CACNA1C: variants seen among roughly 807,000 people sequenced by gnomAD.
The protein encoded by CACNA1C is voltage-dependent L-type calcium channel subunit alpha-1C.
Under a neutral mutation model 229.0 loss-of-function variants are expected in CACNA1C, and 30 were observed. That is an observed-to-expected ratio of 0.13 (90% confidence interval 0.10 to 0.18). CACNA1C has a LOEUF of 0.18. CACNA1C is among the 10% of genes least tolerant of loss of function. The pLI, the probability that CACNA1C is intolerant of heterozygous loss-of-function variation, is 1.00. For missense variants in CACNA1C, 1,658 were observed against 2,845.0 expected (o/e 0.58, Z 9.49); for synonymous variants, 1,114 against 1,132.5 (o/e 0.98, Z 0.33).
intron 11 of CACNA1C, among the ~76,000 whole-genome samples, chr12:2,565,404 T>C (rs997316453): frequency 8.0e-5 from 12 of 149,692 alleles, no homozygotes; most frequent in Middle Eastern, 3.5e-3. Flanking sequence ...GAAGCGGAGC[T>C]TGCAGTGAGC....
Position 2,448,957 on chromosome 12 carries a change from T to G in CACNA1C, c.478-19T>G, listed in dbSNP as rs571558332. The G allele has an allele frequency of 5.6e-4, 892 of 1,597,672 alleles. 15 individuals are homozygous for G. In the South Asian group the frequency reaches 9.0e-3, roughly 16 times the overall value. On this transcript the variant is annotated intron_variant, in intron 3 of 46. Coordinates refer to ENST00000399655, the MANE Select transcript of CACNA1C (RefSeq NM_000719.7). The stretch of plus-strand genomic sequence containing the variant: ...AACCAATGACTTATTTTTCTCTCTT[T>G]TCTATTTCTGTTTCCTAGGAACGAG...
intron 30 of CACNA1C, among the ~76,000 whole-genome samples, chr12:2,643,576 A>T (rs1425685148): frequency 2.0e-5 from 3 of 152,212 alleles, no homozygotes; most frequent in East Asian, 3.9e-4. Context: ...AGCTTAAAAC[A>T]TGTTTGCCTT....
intron 3 of CACNA1C, among the ~76,000 whole-genome samples, chr12:2,413,730 C>T (rs1467553981): frequency 6.6e-6 from 1 of 152,206 alleles, no homozygotes; most frequent in Admixed American, 6.5e-5. Context: ...CCTGACCTTT[C>T]CCACCTGCAT....
chr12:2,601,713 G>A lies in CACNA1C; in HGVS notation c.2854-141G>A, dbSNP rs916925943. The A allele has an allele frequency of 4.7e-5, 32 of 678,298 alleles. No individual in the cohort carries two copies. The highest frequency in any genetic ancestry group is 1.7e-4 in the Admixed American group (8 of 47,608). The allele number at this position is 678,298 out of a possible 1,614,324, so 42.0% of individuals were successfully genotyped here. On this transcript the variant is annotated intron_variant, in intron 21 of 46. Transcript: ENST00000399655. The surrounding 1 kb of genome is among the most constrained non-coding windows in gnomAD (Gnocchi z 5.9). ...AGAACTCTTTTCTTGGCACCATAGC[G>A]CCGTCTTTGTCCTTCCTGTTCCCCA...
rs1219639960 is a variant in CACNA1C, at chr12:2,080,278, C to CAAAAAAAACA, written c.49+26670_49+26679dup. Among the ~76,000 whole-genome samples the CAAAAAAAACA allele has an allele frequency of 2.1e-3, 309 of 149,542 alleles. 3 individuals are homozygous for CAAAAAAAACA. Among genetic ancestry groups the CAAAAAAAACA allele is most frequent in the African/African-American group, 5.9e-3 (240 of 40,654 alleles). On this transcript the variant is annotated intron_variant, in intron 1 of 46. Coordinates refer to ENST00000399655, the MANE Select transcript of CACNA1C (RefSeq NM_000719.7). ...CCCTGTCTCAAACAAAAAACAAAAA[C>CAAAAAAAACA]AAAAAAAACAAATAAAATAACCTTG...
In CACNA1C at chr12:2,677,689, A is replaced by G; in HGVS notation, c.4957-44A>G. On this transcript the variant is annotated intron_variant, in intron 40 of 46. Coordinates refer to ENST00000399655, the MANE Select transcript of CACNA1C (RefSeq NM_000719.7). This position sits in a 1 kb window ranked among gnomAD's most constrained non-coding sequence, Gnocchi z 7.4. ...GGCTGTGGCTGGCTGGGGAGCTTGG[A>G]GGAAAGGGAGCGTGGTCCTCACCAT... 6.3e-7 allele frequency: 1 copy of G among 1,587,912 alleles called. No homozygotes were observed.
At position 2,680,412 on chromosome 12, in the gene CACNA1C, G is replaced by A. The variant is rs757817690; in HGVS notation, c.5444+616G>A. The A allele has an allele frequency of 6.4e-7, 1 of 1,560,542 alleles. No homozygotes were observed. Among genetic ancestry groups the A allele is most frequent in the Non-Finnish European group, 8.7e-7 (1 of 1,151,646 alleles). On this transcript the variant is annotated intron_variant, in intron 42 of 46. Coordinates refer to ENST00000399655, the MANE Select transcript of CACNA1C (RefSeq NM_000719.7). The stretch of plus-strand genomic sequence containing the variant: ...TGGTGGGACCTTCCCTCCCGCCCTG[G>A]GCCCCCGCAGGGCTCCTCCCTGTCT...
rs575032514 is a variant in CACNA1C at position 2,536,652 on chromosome 12, G to A, written c.1391-13291G>A. Among the ~76,000 whole-genome samples the A allele has an allele frequency of 3.1e-3, 471 of 152,146 alleles. 1 individual carries two copies. The highest frequency in any genetic ancestry group is 0.011 in the African/African-American group (446 of 41,530). On this transcript the variant is annotated intron_variant, in intron 9 of 46. Transcript: ENST00000399655. ...GAGACCAACCTGGGCAACATAGTGA[G>A]ACCTTGTCTCTACAAAAAATTTAAA...
At chr12:2,048,014 G>A (rs1174300461), upstream of CACNA1C, among the ~76,000 whole-genome samples, 3 of 152,196 alleles carry the variant, frequency 2.0e-5, no homozygotes, top group East Asian at 5.8e-4. Context: ...CACGTACTTT[G>A]CCCAGGCCTC....
At chr12:2,541,837 C>T (rs1257834472) in intron 9 of CACNA1C, among the ~76,000 whole-genome samples, 11 of 152,234 alleles carry the variant, frequency 7.2e-5, no homozygotes, top group African/African-American at 2.7e-4. Context: ...CCAAAGGTTT[C>T]GGAACTAGGC....
At chr12:2,635,160 TG>T (rs1824368250) in intron 30 of CACNA1C, among the ~76,000 whole-genome samples, 1 of 152,086 alleles carries the variant, frequency 6.6e-6, no homozygotes, top group African/African-American at 2.4e-5. Context: ...CTGCCACCCC[TG>T]CCCTCGACCC....
At chr12:2,502,756 A>T (rs1245248434) in intron 7 of CACNA1C, among the ~76,000 whole-genome samples, 2 of 152,196 alleles carry the variant, frequency 1.3e-5, no homozygotes, top group Non-Finnish European at 2.9e-5. Context: ...ATGTTTATCC[A>T]GCGTACTTAG....
intron 9 of CACNA1C, among the ~76,000 whole-genome samples, chr12:2,518,500 T>G (rs989280329): frequency 1.3e-5 from 2 of 150,918 alleles, no homozygotes; most frequent in African/African-American, 4.9e-5. Context: ...CCCAGCTACT[T>G]GAGAGGCTGA....
intron 3 of CACNA1C, among the ~76,000 whole-genome samples, chr12:2,251,027 G>A (rs1460222574): frequency 1.3e-5 from 2 of 152,202 alleles, no homozygotes; most frequent in South Asian, 2.1e-4. Flanking sequence ...TGTGTTCTGC[G>A]TTGGCTCAGC....
At chr12:2,409,928 G>A (rs1362483379) in intron 3 of CACNA1C, among the ~76,000 whole-genome samples, 1 of 152,238 alleles carries the variant, frequency 6.6e-6, no homozygotes, top group Admixed American at 6.5e-5. Context: ...GGAAAATGGG[G>A]CAGGAGAGGA....
At chr12:2,160,834 A>G (rs570538091) in intron 3 of CACNA1C, among the ~76,000 whole-genome samples, 1 of 152,154 alleles carries the variant, frequency 6.6e-6, no homozygotes, top group East Asian at 1.9e-4. Context: ...TATTATTATT[A>G]TTTTTGAGAC....
chr12:1,988,533 T>G (rs2038456438), intron 1 of CACNA1C, among the ~76,000 whole-genome samples: 1 of 152,238 alleles, frequency 6.6e-6, no homozygotes, highest in Admixed American at 6.5e-5. Flanking sequence ...CGCTCATGTT[T>G]GTGAACAATA....
At chr12:2,535,520 G>GA (rs1240529051) in intron 9 of CACNA1C, among the ~76,000 whole-genome samples, 1 of 148,418 alleles carries the variant, frequency 6.7e-6, no homozygotes, top group East Asian at 2.0e-4. Flanking sequence ...GCAATGTAGT[G>GA]AAACCCCATC....
chr12:2,211,611 GC>G (rs1197967060), intron 3 of CACNA1C, among the ~76,000 whole-genome samples: 2 of 152,060 alleles, frequency 1.3e-5, no homozygotes, highest in Non-Finnish European at 2.9e-5. Flanking sequence ...TGCAGGTTTG[GC>G]CTTGCTTGGA....
Sources: gnomAD v4.1 joint callset for allele counts (sites outside exome capture counted in the v4.1 genomes callset) on GRCh38, gnomAD v4.1.1 for gene constraint, Gnocchi (gnomAD v3.1) non-coding constraint, MANE v1.5 for transcripts, NCBI Gene and HGNC (gene_info 2026-07-23, HGNC 2026-07-21) for gene names.